SORBS2: variants seen among roughly 807,000 people sequenced by gnomAD.
SORBS2 encodes sorbin and SH3 domain containing 2.
In SORBS2, 46 loss-of-function variants were observed where a neutral mutation model predicts 97.7. The observed-to-expected ratio is 0.47, with a 90% CI of 0.37 to 0.60. SORBS2 has a LOEUF of 0.60. Ranked by LOEUF, SORBS2 falls within the 20% of genes least tolerant of loss-of-function variation. The pLI, the probability that SORBS2 is intolerant of heterozygous loss-of-function variation, is 0.00. For missense variants in SORBS2, 1,316 were observed against 1,282.3 expected (o/e 1.03, Z -0.40); for synonymous variants, 476 against 473.4 (o/e 1.01, Z -0.07).
intron 1 of SORBS2, among the ~76,000 whole-genome samples, chr4:185,873,005 G>T (rs2099231260): frequency 6.6e-6 from 1 of 152,168 alleles, no homozygotes; most frequent in African/African-American, 2.4e-5. Flanking sequence ...ACCAGCATAG[G>T]GCTGTGCTTA....
At chr4:185,862,488 G>A (rs1449031360) in intron 1 of SORBS2, among the ~76,000 whole-genome samples, 1 of 152,232 alleles carries the variant, frequency 6.6e-6, no homozygotes, top group Non-Finnish European at 1.5e-5. Context: ...TGATGGCATG[G>A]CTGCCAAGGG....
At chr4:185,876,888 A>G (rs2099233988) in intron 1 of SORBS2, among the ~76,000 whole-genome samples, 1 of 152,240 alleles carries the variant, frequency 6.6e-6, no homozygotes, top group Admixed American at 6.5e-5. Flanking sequence ...AAAACTATTC[A>G]TGGCCCCACA....
At chr4:185,717,524 C>T (rs1200193099) in intron 2 of SORBS2, among the ~76,000 whole-genome samples, 2 of 152,152 alleles carry the variant, frequency 1.3e-5, no homozygotes, top group Admixed American at 6.5e-5. Flanking sequence ...AGACGCTAGA[C>T]GGTATTACAC....
intron 1 of SORBS2, among the ~76,000 whole-genome samples, chr4:185,899,741 G>A (rs2099246686): frequency 6.6e-6 from 1 of 152,310 alleles, no homozygotes; most frequent in African/African-American, 2.4e-5. Context: ...TGTGTTTGGG[G>A]GAGCCAAGTG....
intron 2 of SORBS2, among the ~76,000 whole-genome samples, chr4:185,723,459 A>G (rs954993188): frequency 6.6e-6 from 1 of 152,352 alleles, no homozygotes; most frequent in African/African-American, 2.4e-5. Flanking sequence ...GAGGTTCGTG[A>G]GAAAATAATT....
At position 185,662,280 on chromosome 4, in the gene SORBS2, A is replaced by G. The variant is rs1176300276; in HGVS notation, c.-45-38T>C. 2.6e-6 allele frequency: 4 copies of G among 1,559,702 alleles called. No individual in the cohort carries two copies. In the African/African-American group the frequency reaches 4.1e-5, roughly 16 times the overall value. On this transcript the variant is annotated intron_variant, in intron 4 of 20. Coordinates refer to the SORBS2 transcript ENST00000284776. ...CAAAGGCATCGAGTTAAATTAGCAC[A>G]TAGTTCCCTGTAAACATCATTCCAT...
At chr4:185,642,502 T>C (rs2097143034) in intron 4 of SORBS2, among the ~76,000 whole-genome samples, 1 of 152,168 alleles carries the variant, frequency 6.6e-6, no homozygotes, top group Admixed American at 6.5e-5. Context: ...GTTTTTATGA[T>C]TGTCTCATGG....
chr4:185,690,646 G>A, intron 2 of SORBS2, 35 bp from the exon 4 acceptor site: 1 of 886,786 alleles, frequency 1.1e-6, no homozygotes, highest in Non-Finnish European at 1.7e-6. Context: ...TTGTTCACTA[G>A]CATGTGGAAG....
At chr4:185,603,414 G>A (rs755823151) in intron 12 of SORBS2, among the ~76,000 whole-genome samples, 4 of 152,134 alleles carry the variant, frequency 2.6e-5, no homozygotes, top group Admixed American at 1.3e-4. Flanking sequence ...AAGAGCAAAA[G>A]CAATTAAAGT....
chr4:185,732,489 T>C (rs2153574932), intron 2 of SORBS2, among the ~76,000 whole-genome samples: 1 of 152,282 alleles, frequency 6.6e-6, no homozygotes, highest in South Asian at 2.1e-4. Flanking sequence ...GGGTTATTAG[T>C]CCTCTGGGTT....
At chr4:185,807,539 T>G (rs897759222) in intron 1 of SORBS2, among the ~76,000 whole-genome samples, 1 of 152,196 alleles carries the variant, frequency 6.6e-6, no homozygotes, top group African/African-American at 2.4e-5. Flanking sequence ...TATGGATCTG[T>G]TATGCTGCAA....
intron 2 of SORBS2, among the ~76,000 whole-genome samples, chr4:185,689,049 C>G (rs2153515987): frequency 6.6e-6 from 1 of 152,238 alleles, no homozygotes; most frequent in South Asian, 2.1e-4. Context: ...GTGACTTAAA[C>G]AAATTTACAA....
intron 4 of SORBS2, among the ~76,000 whole-genome samples, chr4:185,667,687 G>GATAT (rs887494705): frequency 1.0e-2 from 71 of 7,124 alleles, no homozygotes; most frequent in African/African-American, 0.011. Context: ...TTTTAAATGT[G>GATAT]ATATATATAT....
intron 2 of SORBS2, among the ~76,000 whole-genome samples, chr4:185,725,451 T>C (rs1033948484): frequency 1.3e-5 from 2 of 152,186 alleles, no homozygotes; most frequent in Admixed American, 6.5e-5. Flanking sequence ...AGCATCCCAA[T>C]ATAGATTCTA....
chr4:185,743,742 C>T (rs1375293998), intron 2 of SORBS2, among the ~76,000 whole-genome samples: 1 of 151,150 alleles, frequency 6.6e-6, no homozygotes, highest in Non-Finnish European at 1.5e-5. Context: ...ATTTCTTCCT[C>T]CTCTTCCTCC....
At chr4:185,599,292 G>C (rs1163406525) in intron 12 of SORBS2, among the ~76,000 whole-genome samples, 1 of 152,222 alleles carries the variant, frequency 6.6e-6, no homozygotes, top group East Asian at 1.9e-4. Flanking sequence ...CTTATGTCCA[G>C]ATGAAAATTT....
chr4:185,659,712 C>T (rs756129882), upstream of SORBS2, among the ~76,000 whole-genome samples: 3 of 152,196 alleles, frequency 2.0e-5, no homozygotes, highest in South Asian at 2.1e-4. Context: ...TGAGCCACCG[C>T]GCCCGGCTAA....
intron 2 of SORBS2, among the ~76,000 whole-genome samples, chr4:185,737,469 A>G (rs1433527285): frequency 1.3e-5 from 2 of 152,214 alleles, no homozygotes; most frequent in African/African-American, 4.8e-5. Context: ...AAGAAATTCC[A>G]TTAAAATAAA....
exon 15 of SORBS2, chr4:185,586,560 T>C (rs1349728136): frequency 6.6e-6 from 1 of 152,660 alleles, no homozygotes; most frequent in African/African-American, 2.4e-5. Context: ...GATGCTTCTG[T>C]ACTCTATTTC....
Sources: gnomAD v4.1 joint callset for allele counts (sites outside exome capture counted in the v4.1 genomes callset) on GRCh38, gnomAD v4.1.1 for gene constraint, MANE v1.5 for transcripts, NCBI Gene and HGNC (gene_info 2026-07-23, HGNC 2026-07-21) for gene names.